Variants in TNNI3K observed in about 807,000 individuals in gnomAD.
TNNI3K encodes the protein serine/threonine-protein kinase TNNI3K.
A neutral mutation model predicts 114.5 loss-of-function variants in TNNI3K; 140 were observed. The ratio of observed to expected loss-of-function variants is 1.22; its 90% CI spans 1.07 to 1.41. TNNI3K has a LOEUF of 1.41. Among genes scored for constraint, TNNI3K ranks in the 40% most tolerant of loss-of-function variants. The probability of loss-of-function intolerance (pLI) is 0.00; values close to 1 mark genes in which losing one functional copy is unlikely to be tolerated. For synonymous variants in TNNI3K, 347 were observed against 347.5 expected (o/e 1.00, Z 0.02); for missense variants, 1,125 against 1,007.6 (o/e 1.12, Z -1.58).
intron 20 of TNNI3K, among the ~76,000 whole-genome samples, chr1:74,449,461 C>T (rs1327968943): frequency 6.6e-6 from 1 of 151,916 alleles, no homozygotes; most frequent in Non-Finnish European, 1.5e-5. Flanking sequence ...GTCTCTGTTT[C>T]CTTCAGAAAA....
chr1:74,248,044 C>T (rs1570366660), intron 2 of TNNI3K, among the ~76,000 whole-genome samples: 1 of 152,226 alleles, frequency 6.6e-6, no homozygotes, highest in Non-Finnish European at 1.5e-5. Context: ...AGGTCCTGAG[C>T]CCTGCCCCAT....
At position 74,385,826 on chromosome 1, in the gene TNNI3K, C is replaced by T. The variant is rs1462968583; in HGVS notation, c.1772+15434C>T. ...AAAAGATATTCAATGACAGAAACTA[C>T]TCCTTAGCCAAATATGAAAGTGCAT... On this transcript the variant is annotated intron_variant, in intron 17 of 24. Coordinates refer to ENST00000326637, the MANE Select transcript of TNNI3K (RefSeq NM_015978.3). Among the ~76,000 whole-genome samples, 3 of 152,294 alleles carry T rather than the reference C, an allele frequency of 2.0e-5. No individual in the cohort carries two copies. The East Asian group carries it at 5.8e-4, about 29-fold the overall frequency.
chr1:74,422,533 T>G (rs1665448126), intron 17 of TNNI3K, among the ~76,000 whole-genome samples: 2 of 152,124 alleles, frequency 1.3e-5, no homozygotes, highest in South Asian at 4.1e-4. Context: ...TGAACCCAAG[T>G]CTCCACTTCA....
chr1:74,331,317 A>T, intron 5 of TNNI3K, 133 bp from the exon 6 acceptor site: 1 of 795,268 alleles, frequency 1.3e-6, no homozygotes, highest in Non-Finnish European at 1.9e-6. Context: ...GGTCTTGGAT[A>T]AGGTGGATGG....
chr1:74,541,020 A>G (rs1271081753), intron 24 of TNNI3K, among the ~76,000 whole-genome samples: 1 of 152,204 alleles, frequency 6.6e-6, no homozygotes, highest in Non-Finnish European at 1.5e-5. Context: ...CCAACCTTTA[A>G]GCCTGAGAGG....
At chr1:74,409,880 G>A (rs1207405227) in intron 17 of TNNI3K, among the ~76,000 whole-genome samples, 1 of 151,948 alleles carries the variant, frequency 6.6e-6, no homozygotes, top group South Asian at 2.1e-4. Context: ...TTCTTTTATT[G>A]ACAATTGGAT....
intron 19 of TNNI3K, 22 bp downstream of exon 19, chr1:74,436,548 C>T (rs757155241): frequency 1.3e-6 from 2 of 1,579,264 alleles, no homozygotes; most frequent in South Asian, 1.2e-5. Flanking sequence ...CTTGTGTTTC[C>T]TATAATTATA....
Position 74,354,049 on chromosome 1 carries a change from TG to T in TNNI3K, c.1098del (p.Met366IlefsTer3), listed in dbSNP as rs1557516371. 1 of 1,614,138 alleles carries T rather than the reference TG, an allele frequency of 6.2e-7. No individual in the cohort carries two copies. On this transcript the variant is annotated frameshift_variant, in exon 11 of 25. Transcript: ENST00000326637. LOFTEE classifies it high-confidence loss of function. ...TTCTTACTGGATAATGGAGCTGATA[TG>T]AATCTAGTGGCTTGTGATCCCAGCA... ...VQFLLDNGAD[M>X]NLVACDPSRS...
chr1:74,302,540 T>C (rs535169618), intron 5 of TNNI3K, among the ~76,000 whole-genome samples: 3 of 152,072 alleles, frequency 2.0e-5, no homozygotes, highest in Non-Finnish European at 2.9e-5. Flanking sequence ...TTGAGGAAAA[T>C]TGAAAGTGTT....
intron 5 of TNNI3K, among the ~76,000 whole-genome samples, chr1:74,290,017 AT>A (rs1212067759): frequency 1.3e-5 from 2 of 151,740 alleles, no homozygotes; most frequent in Non-Finnish European, 3.0e-5. Context: ...TATTGTCTCT[AT>A]TCAATAGTTG....
At chr1:74,261,826 T>C (rs920940825) in intron 4 of TNNI3K, among the ~76,000 whole-genome samples, 24 of 152,118 alleles carry the variant, frequency 1.6e-4, no homozygotes, top group African/African-American at 5.8e-4. Context: ...ATTTATCCCA[T>C]CCTATATATT....
intron 2 of TNNI3K, among the ~76,000 whole-genome samples, chr1:74,248,603 C>A (rs1202367866): frequency 6.6e-6 from 1 of 152,188 alleles, no homozygotes; most frequent in East Asian, 1.9e-4. Flanking sequence ...AAGTATAACT[C>A]TTGGGATAAT....
chr1:74,395,672 A>G (rs561121868), intron 17 of TNNI3K, among the ~76,000 whole-genome samples: 60 of 152,300 alleles, frequency 3.9e-4, no homozygotes, highest in African/African-American at 1.4e-3. Flanking sequence ...CCCACAAGGG[A>G]AACAGCTGGA....
intron 21 of TNNI3K, among the ~76,000 whole-genome samples, chr1:74,467,694 T>C (rs1453649385): frequency 6.6e-6 from 1 of 152,140 alleles, no homozygotes; most frequent in East Asian, 1.9e-4. Flanking sequence ...AGGCAAACAC[T>C]GAATTATCTT....
At chr1:74,357,446 T>C (rs1280616659) in intron 11 of TNNI3K, among the ~76,000 whole-genome samples, 1 of 152,204 alleles carries the variant, frequency 6.6e-6, no homozygotes, top group African/African-American at 2.4e-5. Context: ...ATTTTTCACC[T>C]GACCCAAGCT....
intron 5 of TNNI3K, among the ~76,000 whole-genome samples, chr1:74,282,347 T>C (rs1374744950): frequency 6.6e-6 from 1 of 152,032 alleles, no homozygotes; most frequent in East Asian, 1.9e-4. Context: ...GCAATAGAAG[T>C]TCATTATCAA....
chr1:74,416,773 G>A (rs910587320), intron 17 of TNNI3K, among the ~76,000 whole-genome samples: 36 of 151,908 alleles, frequency 2.4e-4, no homozygotes, highest in Admixed American at 7.2e-4. Context: ...ATGTTTGACT[G>A]GTAGTAATGT....
intron 20 of TNNI3K, among the ~76,000 whole-genome samples, chr1:74,454,744 T>C (rs1040443163): frequency 6.6e-6 from 1 of 152,176 alleles, no homozygotes; most frequent in Non-Finnish European, 1.5e-5. Flanking sequence ...GGCAGTGGGA[T>C]TGCTGGATAA....
chr1:74,475,850 G>A, intron 21 of TNNI3K: 3 of 530,482 alleles, frequency 5.7e-6, no homozygotes, highest in Non-Finnish European at 6.8e-6. Flanking sequence ...TAACATCTTG[G>A]GAAGAAACAC....
Sources: allele counts gnomAD v4.1 joint callset (sites outside exome capture counted in the v4.1 genomes callset), GRCh38; gene constraint gnomAD v4.1.1; transcripts MANE v1.5; gene names NCBI Gene and HGNC (gene_info 2026-07-23, HGNC 2026-07-21).